Variants in RAB7B observed in about 807,000 individuals in gnomAD.
RAB7B encodes RAB7B, member RAS oncogene family.
chr1:205,986,463 C>T (rs1660609946), intron 4 of RAB7B, among the ~76,000 whole-genome samples: 1 of 152,202 alleles, frequency 6.6e-6, no homozygotes, highest in African/African-American at 2.4e-5. Flanking sequence ...TCAGTGCTCC[C>T]CCTGGCATCT....
chr1:205,990,432 G>A (rs1242265849), intron 4 of RAB7B, among the ~76,000 whole-genome samples: 1 of 152,178 alleles, frequency 6.6e-6, no homozygotes, highest in African/African-American at 2.4e-5. Context: ...AACAGTCAAC[G>A]GGGCAGAGAG....
At chr1:205,979,213 G>A (rs927881205) in intron 5 of RAB7B, among the ~76,000 whole-genome samples, 1 of 152,094 alleles carries the variant, frequency 6.6e-6, no homozygotes, top group Non-Finnish European at 1.5e-5. Context: ...TTCTCCAGAG[G>A]GGACAGCTGA....
chr1:206,000,686 G>A (rs1327802865), intron 1 of RAB7B, among the ~76,000 whole-genome samples: 1 of 152,218 alleles, frequency 6.6e-6, no homozygotes, highest in Non-Finnish European at 1.5e-5. Context: ...CTAGAGGCCA[G>A]GGCCCTGGTT....
chr1:205,985,782 C>CCCACCAGG (rs1660588992), intron 4 of RAB7B, 117 bp from the exon 5 acceptor site: 8 of 70,870 alleles, frequency 1.1e-4, no homozygotes, highest in Admixed American at 2.5e-4. Context: ...TCCCCATCAT[C>CCCACCAGG]CCCACCAGGC....
intron 1 of RAB7B, among the ~76,000 whole-genome samples, chr1:206,001,656 A>G (rs1660894772): frequency 6.6e-6 from 1 of 152,154 alleles, no homozygotes; most frequent in Non-Finnish European, 1.5e-5. Context: ...CCCGGTCCAC[A>G]CAGAGCAGAA....
At chr1:205,995,323 G>T (rs1660792380) in intron 1 of RAB7B, among the ~76,000 whole-genome samples, 2 of 151,980 alleles carry the variant, frequency 1.3e-5, no homozygotes, top group African/African-American at 4.8e-5. Flanking sequence ...ACACTTAAAT[G>T]AGTTCCCACT....
intron 1 of RAB7B, among the ~76,000 whole-genome samples, chr1:206,000,202 A>G (rs1660869738): frequency 6.6e-6 from 1 of 152,260 alleles, no homozygotes; most frequent in Admixed American, 6.5e-5. Flanking sequence ...TATACACTAA[A>G]TGATTCATAA....
intron 1 of RAB7B, among the ~76,000 whole-genome samples, chr1:205,998,998 G>A (rs1400064832): frequency 2.0e-5 from 3 of 152,192 alleles, no homozygotes; most frequent in Admixed American, 6.5e-5. Flanking sequence ...AAGCCCGCAC[G>A]TGTTAGAGCA....
chr1:206,001,468 C>G (rs1660889840), intron 1 of RAB7B, among the ~76,000 whole-genome samples: 1 of 152,102 alleles, frequency 6.6e-6, no homozygotes, highest in Non-Finnish European at 1.5e-5. Context: ...CATAATATTT[C>G]CATTTTATCC....
At chr1:205,998,491 C>T (rs1660843056) in intron 1 of RAB7B, among the ~76,000 whole-genome samples, 1 of 152,222 alleles carries the variant, frequency 6.6e-6, no homozygotes, top group South Asian at 2.1e-4. Flanking sequence ...TGAATTTCAA[C>T]AAAACCCTAG....
rs1474379504 is a variant in RAB7B at position 205,978,026 on chromosome 1, C to T, written c.*825G>A. 6.6e-6 allele frequency: 1 copy of T among 152,206 alleles called. No homozygotes were observed. Among genetic ancestry groups the T allele is most frequent in the Admixed American group, 6.5e-5 (1 of 15,284 alleles). 9.4% of individuals were successfully genotyped at this position (152,206 alleles called of 1,614,324 possible). A position where few individuals can be genotyped will look rare whatever the true frequency, so the allele number is the denominator to read the frequency against. On this transcript the variant is annotated 3_prime_UTR_variant, in exon 6 of 6. Transcript: ENST00000617070. The stretch of plus-strand genomic sequence containing the variant: ...CTGTGTTTTGTTTGTCACTGGACTT[C>T]AATGCATCGTACATAGTAGATACGC...
At chr1:206,001,319 T>G (rs1387050196) in intron 1 of RAB7B, among the ~76,000 whole-genome samples, 1 of 152,114 alleles carries the variant, frequency 6.6e-6, no homozygotes, top group Non-Finnish European at 1.5e-5. Context: ...TAGAAACTTT[T>G]TAACTATGAA....
intron 5 of RAB7B, among the ~76,000 whole-genome samples, chr1:205,980,167 G>A (rs895215886): frequency 3.3e-5 from 5 of 152,234 alleles, no homozygotes; most frequent in South Asian, 4.1e-4. Context: ...TCGTCACGGA[G>A]TTGGTTTCTT....
intron 1 of RAB7B, among the ~76,000 whole-genome samples, chr1:205,999,301 C>T (rs1660855127): frequency 1.3e-5 from 2 of 152,090 alleles, no homozygotes; most frequent in Non-Finnish European, 2.9e-5. Context: ...GGCAACACAC[C>T]TATCAAAAAT....
At chr1:205,998,133 A>T (rs1660834604) in intron 1 of RAB7B, among the ~76,000 whole-genome samples, 1 of 152,168 alleles carries the variant, frequency 6.6e-6, no homozygotes, top group Admixed American at 6.5e-5. Flanking sequence ...AGGTGGGCGG[A>T]TCATGAGGTC....
chr1:205,983,990 A>G (rs1660544980), intron 5 of RAB7B: 1 of 152,224 alleles, frequency 6.6e-6, no homozygotes, highest in African/African-American at 2.4e-5. Flanking sequence ...GTGACTAAGC[A>G]TTTGGCAGTC....
chr1:205,991,090 A>G (rs968033108), intron 4 of RAB7B, among the ~76,000 whole-genome samples: 5 of 152,272 alleles, frequency 3.3e-5, no homozygotes, highest in Non-Finnish European at 7.4e-5. Context: ...TTATGATAGT[A>G]CAAGCCAAAT....
At chr1:205,994,288 G>T (rs996584127) in intron 1 of RAB7B, 137 bp from the exon 2 acceptor site, 1 of 391,838 alleles carries the variant, frequency 2.6e-6, no homozygotes, top group Non-Finnish European at 4.5e-6. Flanking sequence ...TTCTCCGAAG[G>T]AGGCACGTAA....
intron 5 of RAB7B, among the ~76,000 whole-genome samples, chr1:205,984,749 C>G (rs1221002699): frequency 6.6e-6 from 1 of 152,152 alleles, no homozygotes; most frequent in African/African-American, 2.4e-5. Flanking sequence ...GTCATGAAGC[C>G]CCTGCTTTCT....
Sources: allele counts gnomAD v4.1 joint callset (sites outside exome capture counted in the v4.1 genomes callset), GRCh38; gene constraint gnomAD v4.1.1; transcripts MANE v1.5; gene names NCBI Gene and HGNC (gene_info 2026-07-23, HGNC 2026-07-21).